Variants in RFX3 observed in about 807,000 individuals in gnomAD.
RFX3 encodes regulatory factor X3.
RFX3 carries 14 observed loss-of-function variants against 98.6 expected under a neutral mutation model. That is an observed-to-expected ratio of 0.14 (90% CI 0.09 to 0.22). The LOEUF (loss-of-function observed/expected upper bound fraction) is 0.22, where lower values mean the gene tolerates loss of function less well. Ranked by LOEUF, RFX3 falls within the 10% of genes least tolerant of loss-of-function variation. The pLI, the probability that RFX3 is intolerant of heterozygous loss-of-function variation, is 1.00. For synonymous variants in RFX3, 383 were observed against 328.4 expected (o/e 1.17, Z -1.80); for missense variants, 639 against 926.9 (o/e 0.69, Z 4.03).
At chr9:3,233,554 G>A (rs1357490152) in intron 15 of RFX3, among the ~76,000 whole-genome samples, 1 of 152,148 alleles carries the variant, frequency 6.6e-6, no homozygotes, top group African/African-American at 2.4e-5. Context: ...AAGAAACAGA[G>A]ACTGGAACAG....
At chr9:3,305,822 T>C (rs1288126679) in intron 4 of RFX3, among the ~76,000 whole-genome samples, 1 of 152,072 alleles carries the variant, frequency 6.6e-6, no homozygotes, top group African/African-American at 2.4e-5. Flanking sequence ...TAAATTGATT[T>C]GTTAAATTTT....
intron 1 of RFX3, among the ~76,000 whole-genome samples, chr9:3,463,205 G>A (rs1351699842): frequency 6.6e-6 from 1 of 152,054 alleles, no homozygotes; most frequent in Non-Finnish European, 1.5e-5. Flanking sequence ...AAAATGGAAT[G>A]GGAATAAACC....
chr9:3,371,469 G>C (rs1012361718), intron 2 of RFX3, among the ~76,000 whole-genome samples: 1 of 151,880 alleles, frequency 6.6e-6, no homozygotes, highest in Admixed American at 6.6e-5. Flanking sequence ...TATGACTTTG[G>C]GGATAATTTC....
intron 1 of RFX3, among the ~76,000 whole-genome samples, chr9:3,455,138 T>C (rs533691334): frequency 5.3e-5 from 8 of 152,234 alleles, no homozygotes; most frequent in Non-Finnish European, 1.2e-4. Context: ...TACTCTTCTA[T>C]GTAAGACCAG....
chr9:3,276,015 T>C (rs1051191922), intron 8 of RFX3, among the ~76,000 whole-genome samples: 4 of 152,160 alleles, frequency 2.6e-5, no homozygotes, highest in Non-Finnish European at 5.9e-5. Context: ...TTAACTGTTA[T>C]AGAGTCATAA....
intron 14 of RFX3, among the ~76,000 whole-genome samples, chr9:3,254,827 CTT>C (rs1372721644): frequency 6.6e-6 from 1 of 152,196 alleles, no homozygotes; most frequent in African/African-American, 2.4e-5. Context: ...CAAGGGAAAA[CTT>C]AATTTCTCAT....
intron 16 of RFX3, 65 bp downstream of exon 16, chr9:3,228,782 T>C: frequency 7.4e-7 from 1 of 1,359,212 alleles, no homozygotes; most frequent in Non-Finnish European, 1.0e-6. Context: ...TATACCGTAT[T>C]TTCCTCTGTA....
intron 4 of RFX3, among the ~76,000 whole-genome samples, chr9:3,313,089 A>G (rs1373126241): frequency 6.6e-6 from 1 of 152,232 alleles, no homozygotes; most frequent in Non-Finnish European, 1.5e-5. Context: ...CTGACCACCA[A>G]GTAGCGTAAC....
chr9:3,266,786 A>C (rs1292262890), intron 11 of RFX3, among the ~76,000 whole-genome samples: 1 of 152,088 alleles, frequency 6.6e-6, no homozygotes, highest in Non-Finnish European at 1.5e-5. Flanking sequence ...TTTACTTAGA[A>C]TCTGTGAATT....
chr9:3,365,957 G>A (rs1032361088), intron 2 of RFX3, among the ~76,000 whole-genome samples: 3 of 151,802 alleles, frequency 2.0e-5, no homozygotes, highest in African/African-American at 7.2e-5. Context: ...TAACTTAGGA[G>A]TTACCACTGG....
At chr9:3,310,337 C>T (rs1276872074) in intron 4 of RFX3, among the ~76,000 whole-genome samples, 3 of 152,098 alleles carry the variant, frequency 2.0e-5, no homozygotes, top group Non-Finnish European at 4.4e-5. Flanking sequence ...AAATATTAAC[C>T]TGTCATTCCC....
intron 1 of RFX3, among the ~76,000 whole-genome samples, chr9:3,414,987 C>T (rs1445328327): frequency 7.7e-6 from 1 of 130,612 alleles, no homozygotes; most frequent in South Asian, 2.3e-4. Context: ...CTTATATATA[C>T]TCATATATAT....
At chr9:3,331,949 C>A (rs139156462) in intron 3 of RFX3, among the ~76,000 whole-genome samples, 1 of 152,110 alleles carries the variant, frequency 6.6e-6, no homozygotes, top group Non-Finnish European at 1.5e-5. Context: ...TAAAATTTAA[C>A]GTATGATGAG....
intron 2 of RFX3, among the ~76,000 whole-genome samples, chr9:3,352,399 C>T (rs1170736269): frequency 6.6e-6 from 1 of 151,890 alleles, no homozygotes; most frequent in Non-Finnish European, 1.5e-5. Flanking sequence ...AAAAAACTAT[C>T]ATCTTTTATT....
At chr9:3,327,445 A>G (rs904738675) in intron 4 of RFX3, among the ~76,000 whole-genome samples, 1 of 152,168 alleles carries the variant, frequency 6.6e-6, no homozygotes, top group Non-Finnish European at 1.5e-5. Context: ...TCAATAATCA[A>G]TTCAAGGTAA....
chr9:3,451,198 T>G (rs1336924436), intron 1 of RFX3, among the ~76,000 whole-genome samples: 1 of 152,152 alleles, frequency 6.6e-6, no homozygotes, highest in African/African-American at 2.4e-5. Flanking sequence ...AATAAAACTG[T>G]AGTACTGGAT....
intron 1 of RFX3, among the ~76,000 whole-genome samples, chr9:3,513,962 A>G (rs757372562): frequency 6.6e-6 from 1 of 152,224 alleles, no homozygotes; most frequent in Non-Finnish European, 1.5e-5. Context: ...TTCTAAAAAT[A>G]AGGAGATCAA....
At chr9:3,429,975 C>T (rs1469824938) in intron 1 of RFX3, among the ~76,000 whole-genome samples, 1 of 152,092 alleles carries the variant, frequency 6.6e-6, no homozygotes, top group Non-Finnish European at 1.5e-5. Context: ...AGTCTCAAAC[C>T]TTAGTTGACT....
chr9:3,467,040 A>ATGTATATACATACATATATATAAG (rs1848295312), intron 1 of RFX3, among the ~76,000 whole-genome samples: 1 of 125,046 alleles, frequency 8.0e-6, no homozygotes, highest in Non-Finnish European at 1.6e-5. Flanking sequence ...ATATATATAT[A>ATGTATATACATACATATATATAAG]TATATATGTA....
Sources: allele counts gnomAD v4.1 joint callset (sites outside exome capture counted in the v4.1 genomes callset), GRCh38; gene constraint gnomAD v4.1.1; transcripts MANE v1.5; gene names NCBI Gene and HGNC (gene_info 2026-07-23, HGNC 2026-07-21).